The following ACAD11 variants were observed in gnomAD, a reference collection of about 807,000 sequenced individuals.
ACAD11 encodes the protein acyl-Coenzyme A dehydrogenase family, member 11.
ACAD11 carries 83 observed loss-of-function variants against 102.2 expected under a neutral mutation model. That is an observed-to-expected ratio of 0.81 (90% confidence interval 0.68 to 0.97). ACAD11 has a LOEUF of 0.97. Ranked by LOEUF, ACAD11 falls within the 50% of genes least tolerant of loss-of-function variation. The pLI, the probability that ACAD11 is intolerant of heterozygous loss-of-function variation, is 0.00. For synonymous variants in ACAD11, 324 were observed against 319.8 expected, an observed-to-expected ratio of 1.01 and a Z score of -0.14; for missense variants, 901 against 951.7, an observed-to-expected ratio of 0.95 and a Z score of 0.70.
chr3:132,644,400 G>A (rs1310915338), intron 2 of ACAD11, among the ~76,000 whole-genome samples: 3 of 152,010 alleles, frequency 2.0e-5, no homozygotes, highest in African/African-American at 4.8e-5. Flanking sequence ...AAAGATTAGA[G>A]GATTGTCATA....
chr3:132,586,852 G>A (rs1937857986), intron 13 of ACAD11, among the ~76,000 whole-genome samples: 1 of 152,204 alleles, frequency 6.6e-6, no homozygotes, highest in South Asian at 2.1e-4. Flanking sequence ...CAACACTTTG[G>A]GAAGCTGAGG....
intron 13 of ACAD11, among the ~76,000 whole-genome samples, chr3:132,596,317 A>C (rs748380616): frequency 3.3e-5 from 5 of 152,152 alleles, no homozygotes; most frequent in Non-Finnish European, 7.4e-5. Context: ...AAAATAACTA[A>C]TGGGTACTAG....
chr3:132,630,657 T>C lies in ACAD11; in HGVS notation c.842-99A>G, dbSNP rs956777102. 1.7e-5 allele frequency: 17 copies of C among 1,025,388 alleles called. No individual in the cohort carries two copies. The African/African-American group carries it at 2.1e-4, about 13-fold the overall frequency. 63.5% of individuals were successfully genotyped at this position (1,025,388 alleles called of 1,614,324 possible). ...GACGCATATGTAAAACGGAATGTAA[T>C]AACCATTAGCCCTTACAACAAAACA... On this transcript the variant is annotated intron_variant, in intron 6 of 19. Transcript: ENST00000264990.
intron 16 of ACAD11, among the ~76,000 whole-genome samples, chr3:132,576,711 CAAGAA>C (rs1285544143): frequency 4.7e-4 from 71 of 152,228 alleles, no homozygotes; most frequent in Admixed American, 1.0e-3. Context: ...ATGGAGTAAA[CAAGAA>C]GGGAAAGTAT....
At chr3:132,653,040 G>C (rs1449107660) in intron 1 of ACAD11, among the ~76,000 whole-genome samples, 1 of 152,124 alleles carries the variant, frequency 6.6e-6, no homozygotes, top group Non-Finnish European at 1.5e-5. Flanking sequence ...AACCAACAAA[G>C]GCAGGACATG....
At chr3:132,643,946 G>C (rs1466455704) in intron 2 of ACAD11, among the ~76,000 whole-genome samples, 1 of 152,074 alleles carries the variant, frequency 6.6e-6, no homozygotes, top group Non-Finnish European at 1.5e-5. Flanking sequence ...AAATAAAACT[G>C]TTTATTGGGG....
intron 13 of ACAD11, chr3:132,602,292 A>G (rs1007852470): frequency 6.0e-6 from 1 of 166,968 alleles, no homozygotes; most frequent in East Asian, 1.9e-4. Context: ...CAACTTTCTT[A>G]CTAATAACTG....
At chr3:132,575,125 G>A (rs1937501187) in intron 17 of ACAD11, among the ~76,000 whole-genome samples, 1 of 152,126 alleles carries the variant, frequency 6.6e-6, no homozygotes, top group Non-Finnish European at 1.5e-5. Context: ...GGGATTACAG[G>A]TGTGAGCCAC....
At chr3:132,566,304 C>CAAAAAAAAAA (rs1210045595) in intron 17 of ACAD11, among the ~76,000 whole-genome samples, 9 of 135,820 alleles carry the variant, frequency 6.6e-5, no homozygotes, top group East Asian at 2.2e-4. Flanking sequence ...CTCAAAAAAA[C>CAAAAAAAAAA]AAAAAAAAAA....
chr3:132,652,957 G>A (rs1400454297), intron 1 of ACAD11, among the ~76,000 whole-genome samples: 1 of 152,126 alleles, frequency 6.6e-6, no homozygotes, highest in African/African-American at 2.4e-5. Context: ...AACAGTAAGA[G>A]CAAAGGGTGC....
chr3:132,644,560 A>C (rs996706776), intron 2 of ACAD11, among the ~76,000 whole-genome samples: 2 of 152,200 alleles, frequency 1.3e-5, no homozygotes. Context: ...AATCAAATAC[A>C]CAAAAGAACT....
In ACAD11 at chr3:132,619,534, C is replaced by A; in HGVS notation, c.1209G>T (p.Glu403Asp). The A allele has an allele frequency of 1.3e-6, 2 of 1,583,502 alleles. No homozygotes were observed. The highest frequency in any genetic ancestry group is 8.6e-7 in the Non-Finnish European group (1 of 1,166,176). ...CTGAATTTTCATTTTGAACATAGAA[C>A]TCAGTTACCTCCTTAAAGTAATAAA... ...HILPAEKEVTEFYVQNENSVD... is the reference protein window; with the variant it reads ...HILPAEKEVTDFYVQNENSVD... The change falls in exon 10 of 20, where the codon GAG becomes GAT. Residue 403 changes from glutamate (E) to aspartate (D), a missense_variant. Glu to Asp is a conservative substitution (Grantham distance 45). Coordinates refer to ENST00000264990, the MANE Select transcript of ACAD11 (RefSeq NM_032169.5).
At chr3:132,640,281 A>C (rs183586227) in intron 4 of ACAD11, among the ~76,000 whole-genome samples, 12 of 151,924 alleles carry the variant, frequency 7.9e-5, no homozygotes, top group Non-Finnish European at 1.8e-4. Flanking sequence ...GTAGAGACGG[A>C]GTTTCACCAT....
At chr3:132,640,873 A>G (rs1940468080) in intron 4 of ACAD11, among the ~76,000 whole-genome samples, 2 of 152,160 alleles carry the variant, frequency 1.3e-5, no homozygotes, top group Non-Finnish European at 2.9e-5. Context: ...ATGCTTACAA[A>G]GGAAAGCAGC....
At chr3:132,656,136 T>C (rs907998543) in intron 1 of ACAD11, among the ~76,000 whole-genome samples, 1 of 152,230 alleles carries the variant, frequency 6.6e-6, no homozygotes, top group Non-Finnish European at 1.5e-5. Flanking sequence ...ACGTTTTTCA[T>C]TCTGTGTTAT....
chr3:132,645,035 A>G, intron 1 of ACAD11, 139 bp from the exon 2 acceptor site: 1 of 555,860 alleles, frequency 1.8e-6, no homozygotes, highest in Non-Finnish European at 3.2e-6. Context: ...TGCTATCAGC[A>G]GCTCACAACA....
At chr3:132,578,922 A>G (rs1937559999) in intron 14 of ACAD11, 41 bp from the exon 15 acceptor site, 1 of 1,609,174 alleles carries the variant, frequency 6.2e-7, no homozygotes, top group African/African-American at 1.3e-5. Context: ...GTTTGCTAAG[A>G]AGAAAAATAA....
intron 18 of ACAD11, among the ~76,000 whole-genome samples, chr3:132,560,511 C>G (rs1198375986): frequency 6.6e-6 from 1 of 152,056 alleles, no homozygotes; most frequent in East Asian, 1.9e-4. Context: ...CCTCAGAATC[C>G]TGGGCTCAAG....
chr3:132,640,311 A>T (rs1237759336), intron 4 of ACAD11, among the ~76,000 whole-genome samples: 1 of 152,142 alleles, frequency 6.6e-6, no homozygotes, highest in East Asian at 1.9e-4. Context: ...GCTGGTCTCG[A>T]ACTCCTGACT....
Sources: allele counts gnomAD v4.1 joint callset (sites outside exome capture counted in the v4.1 genomes callset), GRCh38; gene constraint gnomAD v4.1.1; transcripts MANE v1.5; gene names NCBI Gene and HGNC (gene_info 2026-07-23, HGNC 2026-07-21).